Variants in GLYATL2 observed in about 807,000 individuals in gnomAD.
GLYATL2 encodes glycine N-acyltransferase-like protein 2.
Under a neutral mutation model 21.4 loss-of-function variants are expected in GLYATL2, and 25 were observed. The observed-to-expected ratio is 1.17, with a 90% CI of 0.85 to 1.63. GLYATL2 has a LOEUF of 1.63. Among genes scored for constraint, GLYATL2 ranks in the 40% most tolerant of loss-of-function variants. The pLI is 0.00. For missense variants in GLYATL2, 361 were observed against 343.3 expected (o/e 1.05, Z -0.41); for synonymous variants, 114 against 118.2 (o/e 0.96, Z 0.23).
At chr11:58,891,468 G>A (rs1854542492) in intron 1 of GLYATL2, among the ~76,000 whole-genome samples, 1 of 152,156 alleles carries the variant, frequency 6.6e-6, no homozygotes, top group African/African-American at 2.4e-5. Context: ...ATATCCTGTA[G>A]CCTTGGGAAA....
intron 1 of GLYATL2, among the ~76,000 whole-genome samples, chr11:58,875,397 C>A (rs1032647417): frequency 7.9e-5 from 12 of 152,192 alleles, no homozygotes; most frequent in African/African-American, 2.4e-4. Context: ...ATGGTCTTTA[C>A]AATTTGGCAT....
intron 1 of GLYATL2, among the ~76,000 whole-genome samples, chr11:58,869,435 A>G (rs1400982427): frequency 6.6e-6 from 1 of 152,300 alleles, no homozygotes; most frequent in South Asian, 2.1e-4. Context: ...TCAAACTGCC[A>G]TGGAAACTGC....
chr11:58,888,166 G>A (rs1019756031), intron 1 of GLYATL2, among the ~76,000 whole-genome samples: 1 of 152,048 alleles, frequency 6.6e-6, no homozygotes, highest in Non-Finnish European at 1.5e-5. Context: ...TTACACTGGG[G>A]TTTTGTGTCA....
chr11:58,894,276 A>T (rs1417818485), intron 1 of GLYATL2, among the ~76,000 whole-genome samples: 1 of 152,186 alleles, frequency 6.6e-6, no homozygotes, highest in Non-Finnish European at 1.5e-5. Flanking sequence ...GCCAGATAAA[A>T]AAAGCAGAAA....
intron 2 of GLYATL2, among the ~76,000 whole-genome samples, chr11:58,839,059 A>T (rs1445277835): frequency 2.0e-5 from 3 of 152,196 alleles, no homozygotes; most frequent in African/African-American, 7.2e-5. Context: ...GAGGGGCTCA[A>T]TATTTGTAGC....
intron 1 of GLYATL2, among the ~76,000 whole-genome samples, chr11:58,896,287 C>A (rs771369220): frequency 6.6e-6 from 1 of 152,160 alleles, no homozygotes; most frequent in Non-Finnish European, 1.5e-5. Context: ...ACACCTGGCA[C>A]AACCAATCCT....
chr11:58,865,266 A>T (rs966828113), intron 1 of GLYATL2, among the ~76,000 whole-genome samples: 2 of 148,990 alleles, frequency 1.3e-5, no homozygotes, highest in Non-Finnish European at 3.0e-5. Context: ...TTTTCTGATG[A>T]TAAGTATAAT....
chr11:58,849,534 C>G (rs958883755), upstream of GLYATL2, among the ~76,000 whole-genome samples: 2 of 152,064 alleles, frequency 1.3e-5, no homozygotes, highest in Admixed American at 1.3e-4. Flanking sequence ...TAGCAAGACA[C>G]AAGACTGAAG....
At chr11:58,871,830 C>G (rs975324893) in intron 1 of GLYATL2, among the ~76,000 whole-genome samples, 44 of 152,170 alleles carry the variant, frequency 2.9e-4, no homozygotes, top group Non-Finnish European at 7.3e-5. Flanking sequence ...ATTGGTATTT[C>G]TAGTTCTAGA....
upstream of GLYATL2, among the ~76,000 whole-genome samples, chr11:58,847,845 A>C (rs925007265): frequency 6.6e-6 from 1 of 152,170 alleles, no homozygotes; most frequent in African/African-American, 2.4e-5. Context: ...GAACATAGGC[A>C]GTAGCCAAGG....
chr11:58,849,530 G>GAC (rs1236675512), upstream of GLYATL2, among the ~76,000 whole-genome samples: 1 of 152,060 alleles, frequency 6.6e-6, no homozygotes, highest in African/African-American at 2.4e-5. Flanking sequence ...CCAATAGCAA[G>GAC]ACACAAGACT....
intron 1 of GLYATL2, among the ~76,000 whole-genome samples, chr11:58,897,164 A>G (rs192051669): frequency 8.3e-4 from 126 of 152,350 alleles, no homozygotes; most frequent in African/African-American, 2.9e-3. Flanking sequence ...CACAGATTTC[A>G]AAACCAAACC....
At chr11:58,858,837 A>C (rs568704893) in intron 1 of GLYATL2, among the ~76,000 whole-genome samples, 2 of 152,186 alleles carry the variant, frequency 1.3e-5, no homozygotes, top group East Asian at 3.9e-4. Flanking sequence ...CCACCATTTC[A>C]CCCAAGGTCC....
intron 1 of GLYATL2, among the ~76,000 whole-genome samples, chr11:58,899,841 A>G (rs373752861): frequency 6.6e-6 from 1 of 152,214 alleles, no homozygotes; most frequent in South Asian, 2.1e-4. Context: ...ACACACATAC[A>G]TATATAGTTG....
At chr11:58,871,129 C>A (rs1854110737) in intron 1 of GLYATL2, among the ~76,000 whole-genome samples, 1 of 152,020 alleles carries the variant, frequency 6.6e-6, no homozygotes, top group Non-Finnish European at 1.5e-5. Flanking sequence ...TGATCTGAGA[C>A]ATAATGAATT....
In GLYATL2 at chr11:58,874,829, A is replaced by G. The variant is rs552857974; in HGVS notation, n.60+29327T>C. ...TCTGCTTGGTGCAGAGCTGAGTTCAATTCCTGGGTATCCTTGTTGACTTTC... is the reference window on the plus strand; with the variant it reads ...TCTGCTTGGTGCAGAGCTGAGTTCAGTTCCTGGGTATCCTTGTTGACTTTC... On this transcript the variant is annotated intron_variant and non_coding_transcript_variant, in intron 1 of 4. Coordinates refer to the GLYATL2 transcript ENST00000533636. Among the ~76,000 whole-genome samples, 8 of 152,216 alleles carry G rather than the reference A, an allele frequency of 5.3e-5. No homozygotes were observed. The South Asian group carries it at 8.3e-4, about 16-fold the overall frequency.
rs182548245 is a variant in GLYATL2, at chr11:58,858,877, T to C, written n.61-20509A>G. ...CCAATTCTTGCTTTTCTGAGTCAGA[T>C]TTAGAGAGCATCACTGTCTCCCCTT... On this transcript the variant is annotated intron_variant and non_coding_transcript_variant, in intron 1 of 4. Coordinates refer to the GLYATL2 transcript ENST00000533636. 5.1e-3 allele frequency among the ~76,000 whole-genome samples: 778 copies of C among 152,280 alleles called. 5 individuals are homozygous for C. The highest frequency in any genetic ancestry group is 0.018 in the African/African-American group (742 of 41,552).
At chr11:58,865,883 A>G (rs1206326885) in intron 1 of GLYATL2, among the ~76,000 whole-genome samples, 1 of 149,038 alleles carries the variant, frequency 6.7e-6, no homozygotes, top group Admixed American at 6.9e-5. Context: ...AGGAGCAATA[A>G]AAGGAGTCCC....
rs646486 is a variant in GLYATL2, at chr11:58,859,648, C to T, written n.61-21280G>A. On this transcript the variant is annotated intron_variant and non_coding_transcript_variant, in intron 1 of 4. Coordinates refer to the GLYATL2 transcript ENST00000533636. ...TGTAATCCCATTTGTCTATTTTGGC[C>T]TTCGTTATCTGTGCTTTAGGAATTC... is the stretch of plus-strand genomic sequence containing the variant. Among the ~76,000 whole-genome samples, 24 of 151,988 alleles carry T rather than the reference C, an allele frequency of 1.6e-4. 1 individual carries two copies. The highest frequency in any genetic ancestry group is 1.5e-5 in the Non-Finnish European group (1 of 67,996).
Sources: allele counts gnomAD v4.1 joint callset (sites outside exome capture counted in the v4.1 genomes callset), GRCh38; gene constraint gnomAD v4.1.1; transcripts MANE v1.5; gene names NCBI Gene and HGNC (gene_info 2026-07-23, HGNC 2026-07-21).